Variants in PCDHGB3 observed in about 807,000 individuals in gnomAD.
PCDHGB3 encodes protocadherin gamma subfamily B, 3, also known as protocadherin gamma-B3.
Under a neutral mutation model 59.2 loss-of-function variants are expected in PCDHGB3, and 40 were observed. That is an observed-to-expected ratio of 0.68 (90% CI 0.52 to 0.88). PCDHGB3 has a LOEUF of 0.88. PCDHGB3 is among the 40% of genes least tolerant of loss of function. The pLI is 0.00. For synonymous variants in PCDHGB3, 581 were observed against 503.6 expected (o/e 1.15, Z -2.06); for missense variants, 1,309 against 1,187.9 (o/e 1.10, Z -1.50).
In PCDHGB3 at chr5:141,511,216, C is replaced by A. The variant is rs374915167; in HGVS notation, c.*43C>A. On this transcript the variant is annotated 3_prime_UTR_variant, in exon 4 of 4. Coordinates refer to ENST00000576222, the MANE Select transcript of PCDHGB3 (RefSeq NM_018924.5). Reference sequence around the variant, plus strand: ...GAGCCACAGGGCGGCCTCTCCCCAACCAGCCCAGCTTCTCCTTACCTGCAC... The same window carrying A: ...GAGCCACAGGGCGGCCTCTCCCCAAACAGCCCAGCTTCTCCTTACCTGCAC... The A allele has an allele frequency of 6.2e-7, 1 of 1,608,004 alleles. No homozygotes were observed. The highest frequency in any genetic ancestry group is 1.3e-5 in the African/African-American group (1 of 74,736).
intron 1 of PCDHGB3, among the ~76,000 whole-genome samples, chr5:141,387,227 A>C (rs1220813655): frequency 1.3e-5 from 2 of 152,230 alleles, no homozygotes; most frequent in Non-Finnish European, 2.9e-5. Flanking sequence ...AAGTTGAAAT[A>C]AATCAACTTG....
At chr5:141,415,056 G>C in intron 1 of PCDHGB3, 2 of 1,613,416 alleles carry the variant, frequency 1.2e-6, no homozygotes, top group Non-Finnish European at 1.7e-6. Flanking sequence ...GGGAGCACAC[G>C]GGCGAGGTGC....
In PCDHGB3 at chr5:141,389,561, G is replaced by A. The variant is rs115696241; in HGVS notation, c.2415+16752G>A. On this transcript the variant is annotated intron_variant, in intron 1 of 3. Transcript: ENST00000576222. Reference sequence around the variant, plus strand: ...ACGACCGCAACGACAATGCGCCACGGGTGCTGTACCCCGCGCTGGGTCCCG... The same window carrying A: ...ACGACCGCAACGACAATGCGCCACGAGTGCTGTACCCCGCGCTGGGTCCCG... 3,114 of 1,613,258 alleles carry A rather than the reference G, an allele frequency of 1.9e-3. 62 individuals carry two copies. The African/African-American group carries it at 0.034, about 18-fold the overall frequency.
intron 1 of PCDHGB3, among the ~76,000 whole-genome samples, chr5:141,456,584 A>G (rs990911693): frequency 6.6e-6 from 1 of 152,212 alleles, no homozygotes; most frequent in Non-Finnish European, 1.5e-5. Flanking sequence ...TGAGCCTGTC[A>G]ATAATTTTGA....
At chr5:141,501,147 G>A (rs1166199034) in intron 2 of PCDHGB3, among the ~76,000 whole-genome samples, 1 of 152,142 alleles carries the variant, frequency 6.6e-6, no homozygotes, top group Non-Finnish European at 1.5e-5. Context: ...GATTACAGGT[G>A]GGAGCCACCA....
intron 1 of PCDHGB3, chr5:141,400,748 C>A: frequency 5.0e-6 from 3 of 604,576 alleles, no homozygotes; most frequent in Non-Finnish European, 8.6e-6. Context: ...TTGCTCTTAG[C>A]TTCCTCTCTA....
At chr5:141,374,931 A>C in intron 1 of PCDHGB3, 1 of 1,614,022 alleles carries the variant, frequency 6.2e-7, no homozygotes, top group Non-Finnish European at 8.5e-7. Flanking sequence ...TCCTTTGTGA[A>C]GATTACAGAA....
intron 1 of PCDHGB3, chr5:141,400,304 G>T: frequency 6.2e-7 from 1 of 1,614,048 alleles, no homozygotes; most frequent in African/African-American, 1.3e-5. Context: ...TTCCAACCTG[G>T]TCTCTGTGTC....
rs748660721 is a variant in PCDHGB3 at position 141,485,346 on chromosome 5, G to A, written c.2416-9461G>A. The A allele has an allele frequency of 1.2e-6, 2 of 1,614,178 alleles. No individual in the cohort carries two copies. Among genetic ancestry groups the A allele is most frequent in the South Asian group, 2.2e-5 (2 of 91,088 alleles). ...CAAGATTTCCTGCTGGATACGGACA[G>A]TCTGTCAGCTCGCAGGCTGCAGGTC... On this transcript the variant is annotated intron_variant, in intron 1 of 3. Transcript: ENST00000576222. This position sits in a 1 kb window ranked among gnomAD's most constrained non-coding sequence, Gnocchi z 5.7.
intron 1 of PCDHGB3, chr5:141,428,308 G>A (rs2097132099): frequency 1.5e-6 from 1 of 685,734 alleles, no homozygotes; most frequent in Non-Finnish European, 2.6e-6. Context: ...TTACCTGGTC[G>A]TGGCCTTGGC....
chr5:141,478,326 C>T, intron 1 of PCDHGB3: 1 of 1,613,950 alleles, frequency 6.2e-7, no homozygotes, highest in Admixed American at 1.7e-5. Flanking sequence ...CTGTACCGAA[C>T]ACCAGGGCCC....
intron 1 of PCDHGB3, chr5:141,398,772 G>T: frequency 6.2e-7 from 1 of 1,613,910 alleles, no homozygotes; most frequent in Non-Finnish European, 8.5e-7. Flanking sequence ...TGACTGCCTT[G>T]GACGGTGGAC....
Position 141,422,774 on chromosome 5 carries a change from A to G in PCDHGB3, c.2415+49965A>G, listed in dbSNP as rs372343628. On this transcript the variant is annotated intron_variant, in intron 1 of 3. Coordinates refer to ENST00000576222, the MANE Select transcript of PCDHGB3 (RefSeq NM_018924.5). ...ATTAACTCCAACACTGGTGTTCTCT[A>G]TGCCCTACAATCCTTCGACTATGAG... 100 of 1,613,880 alleles carry G rather than the reference A, an allele frequency of 6.2e-5. 1 individual carries two copies. In the Middle Eastern group the frequency reaches 1.3e-3, roughly 21 times the overall value.
intron 1 of PCDHGB3, chr5:141,417,999 TG>T: frequency 6.2e-7 from 1 of 1,613,838 alleles, no homozygotes; most frequent in Non-Finnish European, 8.5e-7. Context: ...GGCTCGGTGG[TG>T]GGGAACCTCG....
rs569362520 is a variant in PCDHGB3 at position 141,415,063 on chromosome 5, G to T, written c.2415+42254G>T. ...CGCGGTGGGGGAGCACACGGGCGAG[G>T]TGCGCACGGCGCGAGCCCTGCTGGA... On this transcript the variant is annotated intron_variant, in intron 1 of 3. Coordinates refer to ENST00000576222, the MANE Select transcript of PCDHGB3 (RefSeq NM_018924.5). The T allele has an allele frequency of 3.1e-6, 5 of 1,613,432 alleles. No individual in the cohort carries two copies. The highest frequency in any genetic ancestry group is 3.3e-5 in the Admixed American group (2 of 60,008).
chr5:141,437,881 G>A (rs1317504695), intron 1 of PCDHGB3, among the ~76,000 whole-genome samples: 4 of 152,026 alleles, frequency 2.6e-5, no homozygotes, highest in Admixed American at 2.6e-4. Flanking sequence ...GGGACTACAG[G>A]CACACGCCAC....
In PCDHGB3 at chr5:141,432,171, T is replaced by C. The variant is rs114326665; in HGVS notation, c.2415+59362T>C. On this transcript the variant is annotated intron_variant, in intron 1 of 3. Coordinates refer to ENST00000576222, the MANE Select transcript of PCDHGB3 (RefSeq NM_018924.5). This position sits in a 1 kb window ranked among gnomAD's most constrained non-coding sequence, Gnocchi z 6.0. ...GAGAACAATCCCAGAGGAGTTTCCC[T>C]CGTCTCTGTGACCGCCCACGACCCC... The C allele has an allele frequency of 4.4e-5, 71 of 1,614,046 alleles. No individual in the cohort carries two copies. In the African/African-American group the frequency reaches 8.5e-4, roughly 19 times the overall value.
chr5:141,390,052 G>C (rs2092030783), intron 1 of PCDHGB3: 1 of 1,613,960 alleles, frequency 6.2e-7, no homozygotes, highest in Non-Finnish European at 8.5e-7. Context: ...GCCTCCTGGA[G>C]CTGCTTCCAG....
At chr5:141,383,314 A>C (rs1362079173) in intron 1 of PCDHGB3, 4 of 1,613,886 alleles carry the variant, frequency 2.5e-6, no homozygotes, top group Non-Finnish European at 8.5e-7. Flanking sequence ...GGAAGAAATA[A>C]ATGTAAAAAT....
Sources: allele counts gnomAD v4.1 joint callset (sites outside exome capture counted in the v4.1 genomes callset), GRCh38; gene constraint gnomAD v4.1.1; non-coding constraint Gnocchi (gnomAD v3.1); transcripts MANE v1.5; gene names NCBI Gene and HGNC (gene_info 2026-07-23, HGNC 2026-07-21).